Variants in METAP1D observed in about 807,000 individuals in gnomAD.
METAP1D encodes methionine aminopeptidase 1D, mitochondrial.
In METAP1D, 31 loss-of-function variants were observed where a neutral mutation model predicts 40.5. That is an observed-to-expected ratio of 0.77 (90% CI 0.58 to 1.03). The LOEUF is 1.03. Ranked by LOEUF, METAP1D falls within the 50% of genes least tolerant of loss-of-function variation. METAP1D has a pLI of 0.00. For missense variants in METAP1D, 411 were observed against 420.7 expected (o/e 0.98, Z 0.20); for synonymous variants, 151 against 146.4 (o/e 1.03, Z -0.22).
chr2:172,011,576 G>T (rs1471922560), intron 1 of METAP1D, among the ~76,000 whole-genome samples: 3 of 152,116 alleles, frequency 2.0e-5, no homozygotes, highest in Non-Finnish European at 4.4e-5. Flanking sequence ...GAGCCACCGC[G>T]CCCGGCCTAA....
At chr2:172,001,158 C>T (rs1688452398) in intron 1 of METAP1D, among the ~76,000 whole-genome samples, 2 of 151,532 alleles carry the variant, frequency 1.3e-5, no homozygotes, top group African/African-American at 4.9e-5. Flanking sequence ...TTTTTTAAGA[C>T]TCATTTCTCG....
rs144482301 is a variant in METAP1D, at chr2:172,080,359, A to C, written c.961A>C (p.Thr321Pro). 2.4e-5 allele frequency: 38 copies of C among 1,613,926 alleles called. No homozygotes were observed. The African/African-American group carries it at 4.9e-4, about 21-fold the overall frequency. Residue 321 changes from threonine to proline, a missense_variant, in exon 10 of 10, where the codon ACG becomes CCG. Thr to Pro is a conservative substitution (Grantham distance 38, BLOSUM62 -1). Coordinates refer to ENST00000315796, the MANE Select transcript of METAP1D (RefSeq NM_199227.3). ...SAQFEHTVLI[T>P]SRGAQILTKL... ...GCAGTTCGAGCACACGGTTCTGATC[A>C]CGTCGAGGGGCGCGCAGATCCTGAC...
intron 1 of METAP1D, among the ~76,000 whole-genome samples, chr2:172,027,060 A>G (rs1689134457): frequency 6.6e-6 from 1 of 152,190 alleles, no homozygotes; most frequent in African/African-American, 2.4e-5. Context: ...ATATGCCAAG[A>G]TTACTCCAGG....
intron 1 of METAP1D, among the ~76,000 whole-genome samples, chr2:172,030,388 G>A (rs1187608479): frequency 6.6e-6 from 1 of 152,036 alleles, no homozygotes; most frequent in African/African-American, 2.4e-5. Context: ...CACCACACCT[G>A]GCGTAAGCCT....
intron 1 of METAP1D, among the ~76,000 whole-genome samples, chr2:172,030,043 G>T (rs1223998206): frequency 6.6e-6 from 1 of 151,320 alleles, no homozygotes; most frequent in African/African-American, 2.4e-5. Context: ...GACATGAGCC[G>T]CTGCACCCGG....
chr2:172,058,673 A>G (rs914303781), intron 1 of METAP1D, among the ~76,000 whole-genome samples: 25 of 152,128 alleles, frequency 1.6e-4, no homozygotes, highest in African/African-American at 5.8e-4. Flanking sequence ...GTGCCACTGT[A>G]CCTGAGTTTT....
chr2:172,020,181 G>T (rs1574096321), intron 1 of METAP1D, among the ~76,000 whole-genome samples: 2 of 152,094 alleles, frequency 1.3e-5, no homozygotes, highest in Admixed American at 1.3e-4. Flanking sequence ...GAGATGGGGT[G>T]TCACCATGTT....
In METAP1D at chr2:172,063,734, G is replaced by C. The variant is rs1025988266; in HGVS notation, c.222G>C (p.Val74=). Residue 74 remains valine, a synonymous_variant, in exon 3 of 10, where the codon GTG becomes GTC. Coordinates refer to ENST00000315796, the MANE Select transcript of METAP1D (RefSeq NM_199227.3). ...AGCACATAAAGAAGCCAGACTATGT[G>C]ACGACAGGCATTGTACCAGACTGGG... The part of the protein sequence containing the change: ...VPKHIKKPDY[V]TTGIVPDWGD... 30 of 1,613,712 alleles carry C rather than the reference G, an allele frequency of 1.9e-5. No individual in the cohort carries two copies. Among genetic ancestry groups the C allele is most frequent in the Non-Finnish European group, 2.4e-5 (28 of 1,179,858 alleles).
intron 1 of METAP1D, among the ~76,000 whole-genome samples, chr2:172,030,458 G>T (rs1337440176): frequency 6.6e-6 from 1 of 152,064 alleles, no homozygotes; most frequent in East Asian, 1.9e-4. Context: ...ATGAAGTAAG[G>T]GTCGAGGTCC....
intron 1 of METAP1D, among the ~76,000 whole-genome samples, chr2:172,032,407 ATCT>A (rs2105415147): frequency 6.6e-6 from 1 of 152,326 alleles, no homozygotes; most frequent in East Asian, 1.9e-4. Flanking sequence ...GAAATAGATC[ATCT>A]TCTAGATAGA....
At chr2:172,076,859 G>C (rs898329617) in intron 6 of METAP1D, among the ~76,000 whole-genome samples, 5 of 152,182 alleles carry the variant, frequency 3.3e-5, no homozygotes, top group African/African-American at 1.2e-4. Flanking sequence ...GGGGCATTTT[G>C]CCCTTTGTCC....
At chr2:172,059,756 A>T (rs1205160740) in intron 1 of METAP1D, among the ~76,000 whole-genome samples, 2 of 152,202 alleles carry the variant, frequency 1.3e-5, no homozygotes, top group Non-Finnish European at 2.9e-5. Context: ...GGGGACTTCT[A>T]AAACTATTGT....
Position 172,080,704 on chromosome 2 carries a change from G to A in METAP1D, c.*298G>A. ...ACCCCCTTGTTGGAAGAGATTCCAA[G>A]AGAAGCACGGTTTTCTCTTTCCCTT... On this transcript the variant is annotated 3_prime_UTR_variant, in exon 10 of 10. Coordinates refer to ENST00000315796, the MANE Select transcript of METAP1D (RefSeq NM_199227.3). 1 of 537,124 alleles carries A rather than the reference G, an allele frequency of 1.9e-6. No individual in the cohort carries two copies. The highest frequency in any genetic ancestry group is 3.3e-6 in the Non-Finnish European group (1 of 300,124). 33.3% of individuals were successfully genotyped at this position (537,124 alleles called of 1,614,324 possible).
intron 1 of METAP1D, among the ~76,000 whole-genome samples, chr2:172,005,850 C>G (rs1309849714): frequency 6.6e-6 from 1 of 151,698 alleles, no homozygotes; most frequent in South Asian, 2.1e-4. Flanking sequence ...TTTTATTTAT[C>G]TACTCATTGG....
At chr2:172,039,674 T>TC (rs1260316556) in intron 1 of METAP1D, among the ~76,000 whole-genome samples, 1 of 118,344 alleles carries the variant, frequency 8.4e-6, no homozygotes, top group East Asian at 2.4e-4. Flanking sequence ...AAACTTTTTT[T>TC]TGTTTTTTTT....
intron 1 of METAP1D, among the ~76,000 whole-genome samples, chr2:172,036,236 G>C (rs1318682049): frequency 6.7e-5 from 10 of 148,962 alleles, no homozygotes; most frequent in Non-Finnish European, 1.3e-4. Flanking sequence ...AGAATGGCGT[G>C]AACCCGGGAG....
At chr2:172,025,784 A>T (rs1383203307) in intron 1 of METAP1D, among the ~76,000 whole-genome samples, 1 of 152,122 alleles carries the variant, frequency 6.6e-6, no homozygotes, top group African/African-American at 2.4e-5. Flanking sequence ...AGCTCAGTGC[A>T]TCCTCAAACT....
intron 1 of METAP1D, among the ~76,000 whole-genome samples, chr2:172,009,107 C>T (rs975789491): frequency 2.6e-5 from 4 of 151,588 alleles, no homozygotes; most frequent in Non-Finnish European, 5.9e-5. Context: ...GTGGCGCGAT[C>T]TCTGCTCACT....
intron 1 of METAP1D, among the ~76,000 whole-genome samples, chr2:172,038,810 G>C (rs1230449181): frequency 3.9e-5 from 6 of 152,200 alleles, no homozygotes; most frequent in African/African-American, 1.4e-4. Flanking sequence ...TATGCAGTCA[G>C]TCTGGTTGGC....
Sources: gnomAD v4.1 joint callset for allele counts (sites outside exome capture counted in the v4.1 genomes callset) on GRCh38, gnomAD v4.1.1 for gene constraint, MANE v1.5 for transcripts, NCBI Gene and HGNC (gene_info 2026-07-23, HGNC 2026-07-21) for gene names.